TMTC2: variants seen among roughly 807,000 people sequenced by gnomAD.
TMTC2 encodes the protein protein O-mannosyl-transferase TMTC2.
TMTC2 carries 43 observed loss-of-function variants against 82.4 expected under a neutral mutation model. The ratio of observed to expected loss-of-function variants is 0.52; its 90% CI spans 0.41 to 0.67. TMTC2 has a LOEUF of 0.67. Ranked by LOEUF, TMTC2 falls within the 30% of genes least tolerant of loss-of-function variation. The pLI is 0.00. For missense variants in TMTC2, 919 were observed against 1,012.4 expected (o/e 0.91, Z 1.25); for synonymous variants, 408 against 381.9 (o/e 1.07, Z -0.80).
At chr12:82,920,788 C>T (rs561579083) in intron 3 of TMTC2, among the ~76,000 whole-genome samples, 1 of 152,188 alleles carries the variant, frequency 6.6e-6, no homozygotes, top group South Asian at 2.1e-4. Flanking sequence ...ATTGAAGTTG[C>T]TTACTTATTA....
At chr12:83,104,543 C>G (rs1019837079) in intron 11 of TMTC2, among the ~76,000 whole-genome samples, 10 of 152,336 alleles carry the variant, frequency 6.6e-5, no homozygotes, top group African/African-American at 2.4e-4. Context: ...GCAGCTTAAG[C>G]TGTACCTGGG....
chr12:82,824,898 G>A (rs1869320024), intron 1 of TMTC2, among the ~76,000 whole-genome samples: 1 of 152,036 alleles, frequency 6.6e-6, no homozygotes, highest in African/African-American at 2.4e-5. Flanking sequence ...AGATGAGCTT[G>A]GCCAACATGG....
At chr12:82,982,419 A>G (rs1046134740) in intron 7 of TMTC2, among the ~76,000 whole-genome samples, 2 of 144,232 alleles carry the variant, frequency 1.4e-5, no homozygotes, top group African/African-American at 2.5e-5. Context: ...TTTTTTTAAC[A>G]TATTTAATTT....
intron 4 of TMTC2, among the ~76,000 whole-genome samples, chr12:82,948,926 C>T (rs1877188831): frequency 6.6e-6 from 1 of 152,052 alleles, no homozygotes; most frequent in Non-Finnish European, 1.5e-5. Context: ...CTGTGGACTT[C>T]CATAGTGTAT....
chr12:82,802,686 T>C (rs545393297), intron 1 of TMTC2, among the ~76,000 whole-genome samples: 2 of 152,258 alleles, frequency 1.3e-5, no homozygotes, highest in Admixed American at 6.5e-5. Context: ...GCATGAGATA[T>C]AGAAAAGTGA....
chr12:82,764,741 A>G (rs749152199), intron 1 of TMTC2, among the ~76,000 whole-genome samples: 8 of 151,092 alleles, frequency 5.3e-5, no homozygotes, highest in Non-Finnish European at 1.0e-4. Flanking sequence ...TCCAATTTTA[A>G]AGGGGAAAGG....
intron 8 of TMTC2, among the ~76,000 whole-genome samples, chr12:83,006,765 A>C (rs1482027341): frequency 3.9e-5 from 6 of 152,220 alleles, no homozygotes; most frequent in Non-Finnish European, 5.9e-5. Context: ...ATGGAATGCT[A>C]TGCAGCCATA....
intron 1 of TMTC2, chr12:82,758,689 A>G (rs1433363221): frequency 6.6e-6 from 1 of 152,186 alleles, no homozygotes; most frequent in East Asian, 1.9e-4. Context: ...CTGTGGAATC[A>G]TTTTCCTTTC....
At chr12:82,758,476 G>A (rs1055662016) in intron 1 of TMTC2, 5 of 152,044 alleles carry the variant, frequency 3.3e-5, no homozygotes, top group African/African-American at 1.2e-4. Context: ...GGATAAGTTG[G>A]TATAAAACTT....
At chr12:83,068,106 G>A (rs1484307245) in intron 11 of TMTC2, among the ~76,000 whole-genome samples, 1 of 151,984 alleles carries the variant, frequency 6.6e-6, no homozygotes, top group Non-Finnish European at 1.5e-5. Flanking sequence ...TGAGCTTATT[G>A]ACAAAAAGCA....
At chr12:82,796,208 A>G (rs1247664949) in intron 1 of TMTC2, among the ~76,000 whole-genome samples, 2 of 152,138 alleles carry the variant, frequency 1.3e-5, no homozygotes, top group Admixed American at 6.5e-5. Flanking sequence ...GACCTGGCTG[A>G]ATTCATTGCA....
intron 11 of TMTC2, among the ~76,000 whole-genome samples, chr12:83,097,642 A>G (rs1157683169): frequency 6.6e-6 from 1 of 152,256 alleles, no homozygotes; most frequent in Non-Finnish European, 1.5e-5. Context: ...GACAAAAAAT[A>G]TAAAATATAA....
chr12:82,751,450 A>G (rs1875998349), intron 1 of TMTC2, among the ~76,000 whole-genome samples: 2 of 152,114 alleles, frequency 1.3e-5, no homozygotes, highest in Admixed American at 6.5e-5. Flanking sequence ...TGACGAGTTA[A>G]TGGGTGCAGC....
intron 8 of TMTC2, among the ~76,000 whole-genome samples, chr12:83,017,630 A>G (rs1452133593): frequency 6.6e-6 from 1 of 152,128 alleles, no homozygotes; most frequent in African/African-American, 2.4e-5. Context: ...TGGGCCTGGG[A>G]AGAAGAGCTG....
intron 1 of TMTC2, among the ~76,000 whole-genome samples, chr12:82,752,362 T>C (rs1272038738): frequency 6.6e-6 from 1 of 152,040 alleles, no homozygotes. Flanking sequence ...GGCTGGCGCT[T>C]GTAATCCCAG....
Position 83,081,466 on chromosome 12 carries a change from G to A in TMTC2, c.2331+19635G>A, listed in dbSNP as rs192285576. 4.0e-4 allele frequency among the ~76,000 whole-genome samples: 61 copies of A among 152,230 alleles called. 1 individual carries two copies. Among genetic ancestry groups the A allele is most frequent in the Admixed American group, 1.8e-3 (27 of 15,292 alleles). ...CAGATTCTCACTCACTTGCCTGGCC[G>A]TTTGTTTGGGAATCCTTTTTATTAC... is the stretch of plus-strand genomic sequence containing the variant. On this transcript the variant is annotated intron_variant, in intron 11 of 11. Transcript: ENST00000321196.
At chr12:83,001,101 A>G (rs1879900646) in intron 8 of TMTC2, among the ~76,000 whole-genome samples, 1 of 152,038 alleles carries the variant, frequency 6.6e-6, no homozygotes, top group East Asian at 1.9e-4. Context: ...GGCTGCCACA[A>G]AGGTCTCTGA....
intron 1 of TMTC2, among the ~76,000 whole-genome samples, chr12:82,765,487 C>A (rs921452604): frequency 6.6e-6 from 1 of 152,012 alleles, no homozygotes; most frequent in Non-Finnish European, 1.5e-5. Context: ...CCAGCCTGAT[C>A]AACATCAAGA....
chr12:82,732,085 T>A (rs551389920), intron 1 of TMTC2, among the ~76,000 whole-genome samples: 2 of 152,352 alleles, frequency 1.3e-5, no homozygotes, highest in South Asian at 4.1e-4. Context: ...AACTAAGAAT[T>A]GTTAAAATGT....
Sources: gnomAD v4.1 joint callset for allele counts (sites outside exome capture counted in the v4.1 genomes callset) on GRCh38, gnomAD v4.1.1 for gene constraint, MANE v1.5 for transcripts, NCBI Gene and HGNC (gene_info 2026-07-23, HGNC 2026-07-21) for gene names.